The following KCNB2 variants were observed in gnomAD, a reference collection of about 807,000 sequenced individuals.
The protein encoded by KCNB2 is potassium voltage-gated channel subfamily B member 2, also known as delayed rectifier potassium channel protein.
In KCNB2, 15 loss-of-function variants were observed where a neutral mutation model predicts 61.5. The observed-to-expected ratio is 0.24, with a 90% confidence interval of 0.16 to 0.38. The LOEUF (loss-of-function observed/expected upper bound fraction) is 0.38. KCNB2 is among the 10% of genes least tolerant of loss of function. The pLI is 1.00. For synonymous variants in KCNB2, 457 were observed against 446.0 expected (o/e 1.02, Z -0.31); for missense variants, 828 against 1,125.2 (o/e 0.74, Z 3.78).
chr8:72,628,936 G>T (rs888921056), intron 2 of KCNB2, among the ~76,000 whole-genome samples: 1 of 152,238 alleles, frequency 6.6e-6, no homozygotes, highest in South Asian at 2.1e-4. Context: ...TTTGAACTAT[G>T]TGCAGCCCGA....
intron 2 of KCNB2, among the ~76,000 whole-genome samples, chr8:72,918,231 C>G (rs896312212): frequency 2.6e-5 from 4 of 152,284 alleles, no homozygotes; most frequent in Admixed American, 6.5e-5. Flanking sequence ...GATCAAGCAG[C>G]ATAAAAGTTG....
intron 2 of KCNB2, among the ~76,000 whole-genome samples, chr8:72,841,477 A>G (rs939362115): frequency 1.3e-5 from 2 of 149,140 alleles, no homozygotes; most frequent in Non-Finnish European, 3.0e-5. Flanking sequence ...AAGAAGGTCA[A>G]TGGTAGCTTG....
intron 2 of KCNB2, among the ~76,000 whole-genome samples, chr8:72,584,959 A>T (rs192004036): frequency 1.4e-3 from 218 of 152,194 alleles, no homozygotes; most frequent in Non-Finnish European, 2.4e-3. Flanking sequence ...AGTCGTTTGG[A>T]GGAGGCCTCT....
At chr8:72,791,715 G>T (rs1808945583) in intron 2 of KCNB2, among the ~76,000 whole-genome samples, 1 of 152,156 alleles carries the variant, frequency 6.6e-6, no homozygotes, top group Non-Finnish European at 1.5e-5. Context: ...CTCTCTTCAT[G>T]AAATGCCAAC....
intron 2 of KCNB2, among the ~76,000 whole-genome samples, chr8:72,779,973 G>A (rs1199422982): frequency 6.6e-6 from 1 of 152,132 alleles, no homozygotes; most frequent in Non-Finnish European, 1.5e-5. Context: ...GTGCTTGGGT[G>A]ATGGAATAGA....
chr8:72,689,686 A>G (rs976476518), intron 2 of KCNB2, among the ~76,000 whole-genome samples: 1 of 152,074 alleles, frequency 6.6e-6, no homozygotes, highest in Non-Finnish European at 1.5e-5. Context: ...TTCCCTTGGC[A>G]TAAGGTTTTT....
intron 2 of KCNB2, among the ~76,000 whole-genome samples, chr8:72,757,360 C>G (rs1411874837): frequency 6.6e-6 from 1 of 152,018 alleles, no homozygotes; most frequent in Non-Finnish European, 1.5e-5. Flanking sequence ...AGGGAGACAG[C>G]AAATACAGAT....
chr8:72,604,320 G>A (rs1805413657), intron 2 of KCNB2, among the ~76,000 whole-genome samples: 1 of 152,050 alleles, frequency 6.6e-6, no homozygotes, highest in South Asian at 2.1e-4. Context: ...CTTCTCTAAG[G>A]TAGAGATCAT....
intron 1 of KCNB2, among the ~76,000 whole-genome samples, chr8:72,559,177 A>G (rs1301165330): frequency 6.6e-6 from 1 of 151,818 alleles, no homozygotes; most frequent in Non-Finnish European, 1.5e-5. Context: ...ATGGAGTCCC[A>G]TTCTGTTCCC....
chr8:72,567,658 G>A lies in KCNB2; in HGVS notation c.-77G>A. On this transcript the variant is annotated 5_prime_UTR_variant, in exon 2 of 3. It removes an upstream start codon present in the reference 5' UTR. Coordinates refer to ENST00000523207, the MANE Select transcript of KCNB2 (RefSeq NM_004770.3). ...TTCTTCCAGCTTTGTCAGTGGAAATGCCTGCCCCAGAGGGATATTGCTTCA... is the reference window on the plus strand; with the variant it reads ...TTCTTCCAGCTTTGTCAGTGGAAATACCTGCCCCAGAGGGATATTGCTTCA... 1.1e-6 allele frequency: 1 copy of A among 944,186 alleles called. No individual in the cohort carries two copies. The highest frequency in any genetic ancestry group is 1.6e-5 in the African/African-American group (1 of 60,988). The allele number at this position is 944,186 out of a possible 1,614,324, so 58.5% of individuals were successfully genotyped here.
chr8:72,643,186 A>G (rs1410289871), intron 2 of KCNB2, among the ~76,000 whole-genome samples: 1 of 152,078 alleles, frequency 6.6e-6, no homozygotes, highest in Admixed American at 6.6e-5. Context: ...TTGCACCTTC[A>G]TTTTTGGAAA....
intron 2 of KCNB2, among the ~76,000 whole-genome samples, chr8:72,849,666 A>C (rs572079463): frequency 8.5e-5 from 13 of 152,198 alleles, no homozygotes; most frequent in Non-Finnish European, 1.8e-4. Context: ...TAAAGTGAGA[A>C]AGTTAAGTGT....
rs537916780 is a variant in KCNB2, at chr8:72,872,075, A to G, written c.580-63860A>G. Among the ~76,000 whole-genome samples the G allele has an allele frequency of 3.0e-4, 46 of 152,326 alleles. 2 individuals are homozygous for G. The South Asian group carries it at 9.3e-3, about 31-fold the overall frequency. The stretch of plus-strand genomic sequence containing the variant: ...AGTGGCCCTTCCATGTCCAAGAACA[A>G]TGTGCTCAAATGTGAAATCTTAAGC... On this transcript the variant is annotated intron_variant, in intron 2 of 2. Transcript: ENST00000523207.
At chr8:72,885,932 T>A (rs901606580) in intron 2 of KCNB2, among the ~76,000 whole-genome samples, 2 of 152,166 alleles carry the variant, frequency 1.3e-5, no homozygotes, top group African/African-American at 2.4e-5. Context: ...ACTAAAGATA[T>A]CAATGTTGCA....
intron 1 of KCNB2, among the ~76,000 whole-genome samples, chr8:72,564,724 AT>A (rs1806595428): frequency 2.0e-5 from 3 of 152,184 alleles, no homozygotes. Context: ...GGTGCCTGTT[AT>A]GTGTGGGTTG....
intron 2 of KCNB2, among the ~76,000 whole-genome samples, chr8:72,844,734 A>G (rs1809957403): frequency 6.6e-6 from 1 of 152,152 alleles, no homozygotes; most frequent in Non-Finnish European, 1.5e-5. Context: ...CAATTCGGCT[A>G]TTGATGCTTG....
chr8:72,609,112 A>G (rs1186523324), intron 2 of KCNB2, among the ~76,000 whole-genome samples: 5 of 152,202 alleles, frequency 3.3e-5, no homozygotes, highest in South Asian at 2.1e-4. Context: ...ATTTGTAAAG[A>G]TAAGGAAACT....
At chr8:72,610,422 T>G (rs1434236640) in intron 2 of KCNB2, among the ~76,000 whole-genome samples, 1 of 152,180 alleles carries the variant, frequency 6.6e-6, no homozygotes, top group Non-Finnish European at 1.5e-5. Flanking sequence ...TTTTTCTTAT[T>G]TATGCTCACC....
chr8:72,611,443 A>T (rs746452122), intron 2 of KCNB2, among the ~76,000 whole-genome samples: 2 of 152,210 alleles, frequency 1.3e-5, no homozygotes. Flanking sequence ...CCAGCACACT[A>T]AAGTTCGGTA....
Sources: allele counts gnomAD v4.1 joint callset (sites outside exome capture counted in the v4.1 genomes callset), GRCh38; gene constraint gnomAD v4.1.1; transcripts MANE v1.5; gene names NCBI Gene and HGNC (gene_info 2026-07-23, HGNC 2026-07-21).